The following LHPP variants were observed in gnomAD, a reference collection of about 807,000 sequenced individuals.
LHPP encodes hLHPP.
Under a neutral mutation model 30.3 loss-of-function variants are expected in LHPP, and 24 were observed. The ratio of observed to expected loss-of-function variants is 0.79; its 90% CI spans 0.57 to 1.11. The LOEUF is 1.11. LHPP is among the 50% of genes most tolerant of loss of function. LHPP has a pLI of 0.00. For missense variants in LHPP, 356 were observed against 367.2 expected, an observed-to-expected ratio of 0.97 and a Z score of 0.25; for synonymous variants, 150 against 157.1, an observed-to-expected ratio of 0.95 and a Z score of 0.34.
At chr10:124,464,881 T>G (rs1407193632) in intron 1 of LHPP, among the ~76,000 whole-genome samples, 1 of 152,178 alleles carries the variant, frequency 6.6e-6, no homozygotes, top group African/African-American at 2.4e-5. Flanking sequence ...GAGTACAAGG[T>G]CATTCCTGGC....
chr10:124,568,379 A>G (rs1948526758), intron 6 of LHPP, among the ~76,000 whole-genome samples: 3 of 152,176 alleles, frequency 2.0e-5, no homozygotes, highest in Non-Finnish European at 4.4e-5. Flanking sequence ...CTTTGCCTGC[A>G]ACCCCCATCC....
At chr10:124,524,567 G>C (rs568039423) in intron 6 of LHPP, among the ~76,000 whole-genome samples, 1 of 152,094 alleles carries the variant, frequency 6.6e-6, no homozygotes, top group Admixed American at 6.5e-5. Flanking sequence ...ATGAGCCACC[G>C]TGTCTGGCCT....
At chr10:124,566,454 T>C (rs908608013) in intron 6 of LHPP, among the ~76,000 whole-genome samples, 2 of 152,198 alleles carry the variant, frequency 1.3e-5, no homozygotes, top group Non-Finnish European at 2.9e-5. Context: ...AAGCAACTTG[T>C]GGGTGCCTGT....
chr10:124,474,812 G>A (rs1056081753), intron 1 of LHPP, among the ~76,000 whole-genome samples: 13 of 152,088 alleles, frequency 8.5e-5, no homozygotes, highest in Admixed American at 7.2e-4. Flanking sequence ...TTCACCCTGG[G>A]CTCCCTGCTG....
chr10:124,548,906 G>T (rs964227219), intron 6 of LHPP, among the ~76,000 whole-genome samples: 2 of 152,176 alleles, frequency 1.3e-5, no homozygotes, highest in African/African-American at 4.8e-5. Context: ...TCGCAGCCTT[G>T]GTAGCCTTGA....
In LHPP at chr10:124,510,981, T is replaced by C. The variant is rs1954281882; in HGVS notation, c.625-6199T>C. Among the ~76,000 whole-genome samples, 1 of 152,224 alleles carries C rather than the reference T, an allele frequency of 6.6e-6. No individual in the cohort carries two copies. Among genetic ancestry groups the C allele is most frequent in the East Asian group, 1.9e-4 (1 of 5,190 alleles). ...TTGTGCATGCAGCAGACACTGGTGC[T>C]GGTCCCATTCCCGGGAGCACGCGGT... On this transcript the variant is annotated intron_variant, in intron 5 of 6. Transcript: ENST00000368842. This position sits in a 1 kb window ranked among gnomAD's most constrained non-coding sequence, Gnocchi z 4.0.
At chr10:124,513,129 G>A (rs1358602399) in intron 5 of LHPP, among the ~76,000 whole-genome samples, 1 of 151,760 alleles carries the variant, frequency 6.6e-6, no homozygotes, top group Non-Finnish European at 1.5e-5. Flanking sequence ...TGCTCTTCTC[G>A]CCCAGGCTGG....
chr10:124,477,754 C>T (rs1448993848), intron 1 of LHPP, among the ~76,000 whole-genome samples: 1 of 152,160 alleles, frequency 6.6e-6, no homozygotes. Flanking sequence ...TGTGAATGCA[C>T]GAGTTGACAT....
chr10:124,482,133 C>A (rs148187472), intron 1 of LHPP, among the ~76,000 whole-genome samples: 1 of 152,338 alleles, frequency 6.6e-6, no homozygotes, highest in East Asian at 1.9e-4. Flanking sequence ...AGTTGGGTCT[C>A]ACTTGCTCAG....
chr10:124,573,842 A>G (rs1196710722), intron 6 of LHPP, among the ~76,000 whole-genome samples: 2 of 152,136 alleles, frequency 1.3e-5, no homozygotes, highest in African/African-American at 4.8e-5. Flanking sequence ...AGTGAGGCTT[A>G]GCTGTCGGGG....
intron 5 of LHPP, among the ~76,000 whole-genome samples, chr10:124,503,780 CTA>C (rs1375582588): frequency 6.7e-6 from 1 of 149,480 alleles, no homozygotes; most frequent in East Asian, 1.9e-4. Context: ...AAATAAGCAA[CTA>C]TGTATATATT....
intron 6 of LHPP, among the ~76,000 whole-genome samples, chr10:124,604,643 C>T (rs781080558): frequency 3.9e-5 from 6 of 152,180 alleles, no homozygotes; most frequent in Non-Finnish European, 7.4e-5. Flanking sequence ...GCCCCTTGCC[C>T]GGCCTCACTA....
intron 6 of LHPP, among the ~76,000 whole-genome samples, chr10:124,530,463 A>T (rs1237053052): frequency 1.3e-5 from 2 of 151,926 alleles, no homozygotes; most frequent in Admixed American, 6.5e-5. Context: ...GCCAGGCCCC[A>T]CAGGTTCTCA....
Position 124,478,878 on chromosome 10 carries a change from G to T in LHPP, c.126-5261G>T, listed in dbSNP as rs976098697. Among the ~76,000 whole-genome samples, 7 of 152,146 alleles carry T rather than the reference G, an allele frequency of 4.6e-5. No individual in the cohort carries two copies. The highest frequency in any genetic ancestry group is 7.3e-5 in the Non-Finnish European group (5 of 68,028). ...GAGATTGGGAGTTCAAGACCAGCCT[G>T]GGCAACATGGTGAGACCCCGTCTCT... On this transcript the variant is annotated intron_variant, in intron 1 of 6. Coordinates refer to ENST00000368842, the MANE Select transcript of LHPP (RefSeq NM_022126.4). This position sits in a 1 kb window ranked among gnomAD's most constrained non-coding sequence, Gnocchi z 4.7.
At chr10:124,464,856 C>T (rs746239079) in intron 1 of LHPP, among the ~76,000 whole-genome samples, 2 of 152,160 alleles carry the variant, frequency 1.3e-5, no homozygotes, top group Non-Finnish European at 2.9e-5. Context: ...TTGTCTCATG[C>T]GTGAGAAATG....
chr10:124,498,658 T>TTA, intron 5 of LHPP: 8 of 565,304 alleles, frequency 1.4e-5, no homozygotes, highest in East Asian at 3.7e-5. Context: ...TCTTTTCTTT[T>TTA]TCTTTTTTTT....
intron 6 of LHPP, among the ~76,000 whole-genome samples, chr10:124,585,559 G>A (rs1369925195): frequency 6.6e-6 from 1 of 151,258 alleles, no homozygotes; most frequent in Non-Finnish European, 1.5e-5. Flanking sequence ...AGGTTGCAGT[G>A]AGCTGAGATC....
intron 5 of LHPP, chr10:124,498,608 C>A: frequency 2.6e-6 from 2 of 773,760 alleles, no homozygotes; most frequent in South Asian, 1.8e-5. Flanking sequence ...TACACCTACC[C>A]CAACCCTAAG....
intron 6 of LHPP, among the ~76,000 whole-genome samples, chr10:124,572,627 T>C (rs1365116876): frequency 7.4e-5 from 5 of 67,774 alleles, no homozygotes; most frequent in Non-Finnish European, 1.5e-4. Flanking sequence ...CGAGACTCCA[T>C]CTCAAAAAAA....
Sources: allele counts gnomAD v4.1 joint callset (sites outside exome capture counted in the v4.1 genomes callset), GRCh38; gene constraint gnomAD v4.1.1; non-coding constraint Gnocchi (gnomAD v3.1); transcripts MANE v1.5; gene names NCBI Gene and HGNC (gene_info 2026-07-23, HGNC 2026-07-21).